EIF2AK3: variants seen among roughly 807,000 people sequenced by gnomAD.
EIF2AK3 encodes eukaryotic translation initiation factor 2-alpha kinase 3.
Under a neutral mutation model 113.5 loss-of-function variants are expected in EIF2AK3, and 50 were observed. That is an observed-to-expected ratio of 0.44 (90% CI 0.35 to 0.56). EIF2AK3 has a LOEUF of 0.56. Ranked by LOEUF, EIF2AK3 falls within the 20% of genes least tolerant of loss-of-function variation. The pLI is 0.00. For missense variants in EIF2AK3, 1,185 were observed against 1,378.0 expected, an observed-to-expected ratio of 0.86 and a Z score of 2.22; for synonymous variants, 448 against 495.4, an observed-to-expected ratio of 0.90 and a Z score of 1.27.
intron 13 of EIF2AK3, among the ~76,000 whole-genome samples, chr2:88,572,404 G>A (rs920747401): frequency 1.3e-5 from 2 of 152,192 alleles, no homozygotes; most frequent in Middle Eastern, 3.2e-3. Context: ...AGTGTGGAAG[G>A]CATCCATGCT....
At position 88,590,395 on chromosome 2, in the gene EIF2AK3, A is replaced by G; in HGVS notation, c.1165+48T>C. 1.9e-6 allele frequency: 3 copies of G among 1,599,684 alleles called. No individual in the cohort carries two copies. In the South Asian group the frequency reaches 3.3e-5, roughly 18 times the overall value. ...TAGGAAGGAACAATGTAAGAAGAAA[A>G]TCTAGATGTCAATGTGTACTATCGT... On this transcript the variant is annotated intron_variant, in intron 6 of 16. Transcript: ENST00000303236.
At chr2:88,568,370 G>GA (rs143951277) in intron 14 of EIF2AK3, among the ~76,000 whole-genome samples, 12 of 152,302 alleles carry the variant, frequency 7.9e-5, no homozygotes, top group Admixed American at 2.0e-4. Flanking sequence ...ACCTAAGCAT[G>GA]AATCAAGCGA....
Position 88,579,593 on chromosome 2 carries a change from A to G in EIF2AK3, c.1811T>C (p.Phe604Ser). 1 of 1,613,798 alleles carries G rather than the reference A, an allele frequency of 6.2e-7. No individual in the cohort carries two copies. The highest frequency in any genetic ancestry group is 8.5e-7 in the Non-Finnish European group (1 of 1,179,802). The change falls in exon 11 of 17, where the codon TTT becomes TCT. Residue 604 changes from phenylalanine (F) to serine (S), a missense_variant. By Grantham distance (155) the Phe-to-Ser change is radical. Coordinates refer to ENST00000303236, the MANE Select transcript of EIF2AK3 (RefSeq NM_004836.7). The part of the protein sequence containing the change: ...EPIQCLGRGG[F>S]GVVFEAKNKV... ...GTTTTTAGCTTCAAAAACAACTCCAAAGCCACCACGTCCCAGGCATTGAAT... is the reference window on the plus strand; with the variant it reads ...GTTTTTAGCTTCAAAAACAACTCCAGAGCCACCACGTCCCAGGCATTGAAT...
In EIF2AK3 at chr2:88,570,934, C is replaced by T; in HGVS notation, c.2925G>A (p.Met975Ile). 1 of 1,614,122 alleles carries T rather than the reference C, an allele frequency of 6.2e-7. No individual in the cohort carries two copies. The highest frequency in any genetic ancestry group is 8.5e-7 in the Non-Finnish European group (1 of 1,180,016). Residue 975 changes from methionine to isoleucine, a missense_variant, in exon 14 of 17, where the codon ATG becomes ATA. Coordinates refer to ENST00000303236, the MANE Select transcript of EIF2AK3 (RefSeq NM_004836.7). ...DEEEQTVLTP[M>I]PAYARHTGQV... is the part of the protein sequence containing the mutation. ...GTCCTGTGTGTCTGGCATAAGCTGG[C>T]ATTGGGGTCAGAACCGTCTGCTCTT...
At position 88,590,907 on chromosome 2, in the gene EIF2AK3, T is replaced by C. The variant is rs769083965; in HGVS notation, c.913A>G (p.Ile305Val). The part of the protein sequence containing the change: ...ISDVEEQEAA[I>V]MDIVIKVSVA... ...GAAACCTTTATCACTATGTCCATTA[T>C]GGCAGCTTCCTGTTCTTCCACATCT... The change falls in exon 5 of 17, where the codon ATA becomes GTA. Residue 305 changes from isoleucine (I) to valine (V), a missense_variant. By Grantham distance (29) the Ile-to-Val change is conservative (BLOSUM62 3). Transcript: ENST00000303236. 13 of 1,614,020 alleles carry C rather than the reference T, an allele frequency of 8.1e-6. No homozygotes were observed. The highest frequency in any genetic ancestry group is 8.0e-5 in the African/African-American group (6 of 74,916).
At chr2:88,598,655 GACAAAT>G (rs1435313275) in intron 2 of EIF2AK3, among the ~76,000 whole-genome samples, 1 of 152,050 alleles carries the variant, frequency 6.6e-6, no homozygotes, top group East Asian at 1.9e-4. Context: ...AGGCTAATGT[GACAAAT>G]AAATGCAATA....
At position 88,627,177 on chromosome 2, in the gene EIF2AK3, G is replaced by C; in HGVS notation, c.98C>G (p.Ala33Gly). Reference protein sequence around the residue: ...LAARTVAAGRARGLPAPTAEA... With the variant: ...LAARTVAAGRGRGLPAPTAEA... ...CGCCGTCGGCGCTGGGAGGCCACGGGCGCGCCCCGCGGCCACCGTCCTTGC... is the reference window on the plus strand; with the variant it reads ...CGCCGTCGGCGCTGGGAGGCCACGGCCGCGCCCCGCGGCCACCGTCCTTGC... The change falls in exon 1 of 17, where the codon GCC (alanine) becomes GGC (glycine). Residue 33 changes from alanine to glycine, a missense_variant. Ala to Gly is a moderately conservative substitution (Grantham distance 60). This residue lies in a region of EIF2AK3 where 189 missense variants were observed against 175.2 expected (regional missense o/e 1.08). Transcript: ENST00000303236. 1 of 1,445,176 alleles carries C rather than the reference G, an allele frequency of 6.9e-7. No individual in the cohort carries two copies. Among genetic ancestry groups the C allele is most frequent in the Non-Finnish European group, 9.1e-7 (1 of 1,104,570 alleles). The allele number at this position is 1,445,176 out of a possible 1,614,324, so 89.5% of individuals were successfully genotyped here. A position where few individuals can be genotyped will look rare whatever the true frequency, so the allele number is the denominator to read the frequency against.
At chr2:88,594,597 G>T (rs142200182) in intron 3 of EIF2AK3, among the ~76,000 whole-genome samples, 134 of 152,246 alleles carry the variant, frequency 8.8e-4, no homozygotes, top group African/African-American at 3.1e-3. Flanking sequence ...TAATGTTGGA[G>T]AAAGTCTAGA....
chr2:88,619,412 A>G (rs1675664488), intron 1 of EIF2AK3, among the ~76,000 whole-genome samples: 1 of 152,080 alleles, frequency 6.6e-6, no homozygotes, highest in African/African-American at 2.4e-5. Context: ...ACAGCCCCCA[A>G]ACCTGTACAG....
At chr2:88,614,519 C>A (rs1365484214) in intron 1 of EIF2AK3, among the ~76,000 whole-genome samples, 1 of 152,180 alleles carries the variant, frequency 6.6e-6, no homozygotes, top group African/African-American at 2.4e-5. Flanking sequence ...TTTTCAATAT[C>A]TATCTACCTT....
Position 88,576,694 on chromosome 2 carries a change from A to G in EIF2AK3, c.1896T>C (p.Ala632=). The G allele has an allele frequency of 2.5e-6, 4 of 1,614,050 alleles. No homozygotes were observed. Among genetic ancestry groups the G allele is most frequent in the South Asian group, 1.1e-5 (1 of 91,078 alleles). The part of the protein sequence containing the change: ...KRIRLPNREL[A]REKVMREVKA... ...TAACTTCTCGCATTACCTTTTCCCG[A>G]GCCAATTCCCTGAAAGAGAGAAAAT... is the stretch of plus-strand genomic sequence containing the variant. Residue 632 remains alanine (A), a synonymous_variant, in exon 12 of 17, where the codon GCT becomes GCC. Coordinates refer to ENST00000303236, the MANE Select transcript of EIF2AK3 (RefSeq NM_004836.7).
At chr2:88,613,963 A>G (rs1178518166) in intron 1 of EIF2AK3, 110 bp from the exon 2 acceptor site, 1 of 986,024 alleles carries the variant, frequency 1.0e-6, no homozygotes, top group East Asian at 2.6e-5. Flanking sequence ...ATTCGTAGAA[A>G]GGAAGAGGGG....
At chr2:88,625,213 AAC>A (rs1675828595) in intron 1 of EIF2AK3, among the ~76,000 whole-genome samples, 1 of 150,040 alleles carries the variant, frequency 6.7e-6, no homozygotes, top group Admixed American at 6.7e-5. Flanking sequence ...AGTCGGCTCT[AAC>A]CTATTTTTTC....
chr2:88,625,070 T>G (rs1675825075), intron 1 of EIF2AK3: 1 of 152,350 alleles, frequency 6.6e-6, no homozygotes, highest in Non-Finnish European at 1.5e-5. Context: ...TTAACGTGCA[T>G]GTGAATCACA....
intron 3 of EIF2AK3, among the ~76,000 whole-genome samples, chr2:88,595,057 G>A (rs901116574): frequency 8.6e-5 from 13 of 150,400 alleles, no homozygotes; most frequent in Non-Finnish European, 1.6e-4. Context: ...GCCAAGCATG[G>A]TGGCATGTGC....
chr2:88,576,987 C>CTT (rs765445450), intron 11 of EIF2AK3, among the ~76,000 whole-genome samples: 40 of 144,056 alleles, frequency 2.8e-4, no homozygotes, highest in African/African-American at 8.6e-4. Flanking sequence ...CTAGGTTATA[C>CTT]TTTTTTTTTT....
chr2:88,581,649 G>C (rs1674604219), intron 10 of EIF2AK3, among the ~76,000 whole-genome samples: 1 of 152,188 alleles, frequency 6.6e-6, no homozygotes, highest in African/African-American at 2.4e-5. Context: ...TTCAGTAGTA[G>C]ACTACCTCAT....
chr2:88,557,912 A>C lies in EIF2AK3; in HGVS notation c.3175T>G (p.Ser1059Ala). Residue 1059 changes from serine to alanine, a missense_variant, in exon 17 of 17, where the codon TCT becomes GCT. Transcript: ENST00000303236. ...CEYVMVQDMLSPSPMERPEAI... is the reference protein window; with the variant it reads ...CEYVMVQDMLAPSPMERPEAI... Reference sequence around the variant, plus strand: ...TCAGGTCGTTCCATGGGGGATGGAGAGAGCATGTCTTGAACCATCACGTAC... The same window carrying C: ...TCAGGTCGTTCCATGGGGGATGGAGCGAGCATGTCTTGAACCATCACGTAC... 6.2e-7 allele frequency: 1 copy of C among 1,614,132 alleles called. No individual in the cohort carries two copies. Among genetic ancestry groups the C allele is most frequent in the Non-Finnish European group, 8.5e-7 (1 of 1,179,988 alleles).
At chr2:88,572,289 C>G (rs1204457143) in intron 13 of EIF2AK3, among the ~76,000 whole-genome samples, 1 of 152,192 alleles carries the variant, frequency 6.6e-6, no homozygotes, top group Non-Finnish European at 1.5e-5. Flanking sequence ...AATAGACAAG[C>G]TTTTTGGCTC....
Sources: allele counts gnomAD v4.1 joint callset (sites outside exome capture counted in the v4.1 genomes callset), GRCh38; gene constraint gnomAD v4.1.1; regional missense constraint gnomAD v4.1.1; transcripts MANE v1.5; gene names NCBI Gene and HGNC (gene_info 2026-07-23, HGNC 2026-07-21).